Variants in STK3 observed in about 807,000 individuals in gnomAD.
STK3 encodes serine/threonine kinase 3.
In STK3, 41 loss-of-function variants were observed where a neutral mutation model predicts 58.0. The ratio of observed to expected loss-of-function variants is 0.71; its 90% CI spans 0.55 to 0.92. STK3 has a LOEUF of 0.92. Among genes scored for constraint, STK3 ranks in the 40% least tolerant of loss-of-function variants. The pLI, the probability that STK3 is intolerant of heterozygous loss-of-function variation, is 0.00. For missense variants in STK3, 479 were observed against 602.7 expected (o/e 0.79, Z 2.15); for synonymous variants, 170 against 191.0 (o/e 0.89, Z 0.91).
At chr8:98,874,434 T>C (rs950828718) in intron 3 of STK3, among the ~76,000 whole-genome samples, 2 of 152,174 alleles carry the variant, frequency 1.3e-5, no homozygotes, top group African/African-American at 4.8e-5. Context: ...TATGAAAGAA[T>C]AAACTCCTGT....
chr8:98,693,646 G>C (rs1824592399), intron 6 of STK3, among the ~76,000 whole-genome samples: 1 of 152,140 alleles, frequency 6.6e-6, no homozygotes, highest in African/African-American at 2.4e-5. Flanking sequence ...ATTCACCACT[G>C]TGTTAAATCC....
intron 8 of STK3, among the ~76,000 whole-genome samples, chr8:98,574,191 G>A (rs1044029203): frequency 1.3e-5 from 2 of 152,162 alleles, no homozygotes; most frequent in Non-Finnish European, 2.9e-5. Context: ...GGGTGGTCTA[G>A]CAAAGCATGT....
intron 7 of STK3, among the ~76,000 whole-genome samples, chr8:98,586,318 T>C (rs1244223155): frequency 6.6e-6 from 1 of 152,204 alleles, no homozygotes; most frequent in Non-Finnish European, 1.5e-5. Flanking sequence ...GGTGGTTGAA[T>C]TTTGTCAAAG....
At chr8:98,495,292 T>A (rs1030765583) in intron 10 of STK3, among the ~76,000 whole-genome samples, 1 of 152,208 alleles carries the variant, frequency 6.6e-6, no homozygotes, top group Non-Finnish European at 1.5e-5. Context: ...GATAGAAGAT[T>A]AGATTCTAAT....
intron 9 of STK3, among the ~76,000 whole-genome samples, chr8:98,541,374 C>T (rs2131554598): frequency 1.3e-5 from 2 of 152,230 alleles, no homozygotes; most frequent in East Asian, 3.9e-4. Context: ...ACCCGCTTTG[C>T]TCTTTCTCCC....
At chr8:98,672,362 A>G (rs1822897314) in intron 6 of STK3, among the ~76,000 whole-genome samples, 1 of 152,216 alleles carries the variant, frequency 6.6e-6, no homozygotes, top group African/African-American at 2.4e-5. Flanking sequence ...AGCCTGGGCA[A>G]CAGAGAGAAA....
At chr8:98,931,751 G>C (rs907040628) in intron 1 of STK3, among the ~76,000 whole-genome samples, 2 of 152,148 alleles carry the variant, frequency 1.3e-5, no homozygotes, top group African/African-American at 4.8e-5. Flanking sequence ...GATGACTCTG[G>C]AATACACAAC....
intron 8 of STK3, among the ~76,000 whole-genome samples, chr8:98,552,933 T>C (rs1451983678): frequency 1.3e-5 from 2 of 152,190 alleles, no homozygotes; most frequent in Non-Finnish European, 2.9e-5. Context: ...TAATTCCATT[T>C]CAGTTTTTAG....
chr8:98,618,951 T>C (rs1195460363), intron 6 of STK3, among the ~76,000 whole-genome samples: 8 of 149,646 alleles, frequency 5.3e-5, no homozygotes, highest in African/African-American at 1.2e-4. Context: ...CTTCACAGAA[T>C]TGGAAAAAAC....
At chr8:98,730,823 G>A (rs1828137111) in intron 4 of STK3, among the ~76,000 whole-genome samples, 1 of 151,760 alleles carries the variant, frequency 6.6e-6, no homozygotes, top group Non-Finnish European at 1.5e-5. Context: ...CCCAGAGTTT[G>A]GCTTCACGAA....
At chr8:98,825,460 G>A in intron 1 of STK3, 55 bp downstream of exon 1, 6 of 1,424,832 alleles carry the variant, frequency 4.2e-6, no homozygotes, top group South Asian at 4.0e-5. Context: ...AGCCACCCCC[G>A]CCCCGCGGCC....
chr8:98,756,347 A>G (rs576110735), intron 3 of STK3, among the ~76,000 whole-genome samples: 1 of 152,324 alleles, frequency 6.6e-6, no homozygotes, highest in African/African-American at 2.4e-5. Context: ...GAAAGACAGA[A>G]CAAATCACGG....
At chr8:98,395,796 A>G (rs1028490152) in intron 3 of STK3, among the ~76,000 whole-genome samples, 91 of 152,354 alleles carry the variant, frequency 6.0e-4, no homozygotes, top group African/African-American at 2.1e-3. Context: ...AAACCAATCA[A>G]GAATAAAATA....
At chr8:98,721,531 GA>G (rs973106930) in intron 4 of STK3, among the ~76,000 whole-genome samples, 3 of 150,634 alleles carry the variant, frequency 2.0e-5, no homozygotes, top group Non-Finnish European at 3.0e-5. Context: ...TTTTTAAAAA[GA>G]AAAAAATAGT....
chr8:98,510,671 A>C (rs1824445604), intron 10 of STK3, among the ~76,000 whole-genome samples: 1 of 151,702 alleles, frequency 6.6e-6, no homozygotes, highest in Non-Finnish European at 1.5e-5. Context: ...TTCTCTTATA[A>C]ATAAGTATGT....
intron 10 of STK3, among the ~76,000 whole-genome samples, chr8:98,484,701 T>C (rs1214143212): frequency 3.3e-5 from 5 of 152,030 alleles, no homozygotes; most frequent in African/African-American, 1.2e-4. Flanking sequence ...TGGAACTAGA[T>C]TTTCAATGGT....
intron 8 of STK3, among the ~76,000 whole-genome samples, chr8:98,555,714 TG>T (rs1265229025): frequency 6.6e-6 from 1 of 152,136 alleles, no homozygotes; most frequent in Non-Finnish European, 1.5e-5. Context: ...TGCATTATAG[TG>T]GTCTAAATAT....
At chr8:98,590,748 G>A (rs965380725) in intron 7 of STK3, among the ~76,000 whole-genome samples, 72 of 152,308 alleles carry the variant, frequency 4.7e-4, no homozygotes, top group African/African-American at 1.7e-3. Flanking sequence ...TTTATCTCAT[G>A]TAGAAAGCAT....
intron 6 of STK3, among the ~76,000 whole-genome samples, chr8:98,632,233 T>C (rs1270075959): frequency 2.6e-5 from 4 of 152,188 alleles, no homozygotes; most frequent in Non-Finnish European, 4.4e-5. Context: ...CTAAGAAAGA[T>C]AGAAGGCTTG....
Sources: allele counts gnomAD v4.1 joint callset (sites outside exome capture counted in the v4.1 genomes callset), GRCh38; gene constraint gnomAD v4.1.1; transcripts MANE v1.5; gene names NCBI Gene and HGNC (gene_info 2026-07-23, HGNC 2026-07-21).